The following CDH12 variants were observed in gnomAD, a reference collection of about 807,000 sequenced individuals.
CDH12 encodes the protein cadherin-12.
In CDH12, 41 loss-of-function variants were observed where a neutral mutation model predicts 74.1. The observed-to-expected ratio is 0.55, with a 90% confidence interval of 0.43 to 0.72. CDH12 has a LOEUF of 0.72. CDH12 is among the 30% of genes least tolerant of loss of function. CDH12 has a pLI of 0.00. For missense variants in CDH12, 945 were observed against 977.2 expected, an observed-to-expected ratio of 0.97 and a Z score of 0.44; for synonymous variants, 399 against 355.0, an observed-to-expected ratio of 1.12 and a Z score of -1.39.
intron 1 of CDH12, among the ~76,000 whole-genome samples, chr5:22,654,244 C>G (rs762030331): frequency 9.9e-5 from 14 of 140,720 alleles, no homozygotes; most frequent in Admixed American, 3.0e-4. Flanking sequence ...TTGTTTCTTT[C>G]TTTCTTTCTC....
chr5:21,869,234 C>T (rs914358649), intron 6 of CDH12, among the ~76,000 whole-genome samples: 3 of 152,202 alleles, frequency 2.0e-5, no homozygotes, highest in Non-Finnish European at 4.4e-5. Context: ...CAGAAGATCC[C>T]TTAGGTTTTC....
intron 5 of CDH12, among the ~76,000 whole-genome samples, chr5:21,979,765 ATAC>A (rs1289465166): frequency 6.6e-6 from 1 of 152,046 alleles, no homozygotes; most frequent in African/African-American, 2.4e-5. Context: ...CGTTCAACAA[ATAC>A]TACTACTAAC....
At chr5:22,326,872 T>C (rs1052423175) in intron 3 of CDH12, among the ~76,000 whole-genome samples, 2 of 152,224 alleles carry the variant, frequency 1.3e-5, no homozygotes, top group Non-Finnish European at 1.5e-5. Context: ...ATTCCAGCTA[T>C]ATATATATTG....
chr5:22,063,941 T>C (rs369426772), intron 5 of CDH12, among the ~76,000 whole-genome samples: 5 of 151,788 alleles, frequency 3.3e-5, no homozygotes. Flanking sequence ...GTCAGTTTCT[T>C]AAAATCTCTC....
chr5:21,890,798 A>G (rs1752862494), intron 6 of CDH12, among the ~76,000 whole-genome samples: 1 of 152,136 alleles, frequency 6.6e-6, no homozygotes, highest in South Asian at 2.1e-4. Flanking sequence ...ACACTAAAAA[A>G]GTGAGGATAC....
At chr5:22,601,566 C>T (rs905270332) in intron 1 of CDH12, among the ~76,000 whole-genome samples, 2 of 151,952 alleles carry the variant, frequency 1.3e-5, no homozygotes, top group African/African-American at 4.8e-5. Context: ...GCTTCAGTAA[C>T]CAAAATATTT....
At chr5:22,529,962 G>C (rs1287559815) in intron 1 of CDH12, among the ~76,000 whole-genome samples, 2 of 152,090 alleles carry the variant, frequency 1.3e-5, no homozygotes, top group African/African-American at 4.8e-5. Flanking sequence ...AGTACACTGA[G>C]ATACCTCAAC....
intron 5 of CDH12, among the ~76,000 whole-genome samples, chr5:22,071,983 C>G (rs1445342619): frequency 6.6e-6 from 1 of 152,070 alleles, no homozygotes; most frequent in Non-Finnish European, 1.5e-5. Flanking sequence ...ATCAATGAAT[C>G]TTGAAATTTT....
Position 22,062,199 on chromosome 5 carries a change from T to G in CDH12, c.231+16247A>C, listed in dbSNP as rs79113870. Reference sequence around the variant, plus strand: ...GCCAATTCAATTAAAGTAAACACATTGAACCTTTATGGCACAGCTATTATG... The same window carrying G: ...GCCAATTCAATTAAAGTAAACACATGGAACCTTTATGGCACAGCTATTATG... On this transcript the variant is annotated intron_variant, in intron 5 of 14. Coordinates refer to ENST00000382254, the MANE Select transcript of CDH12 (RefSeq NM_004061.5). Among the ~76,000 whole-genome samples the G allele has an allele frequency of 2.7e-3, 409 of 152,238 alleles. 3 individuals carry two copies. Among genetic ancestry groups the G allele is most frequent in the African/African-American group, 9.3e-3 (385 of 41,554 alleles).
At chr5:22,818,409 A>G (rs982480552) in intron 1 of CDH12, among the ~76,000 whole-genome samples, 1 of 152,034 alleles carries the variant, frequency 6.6e-6, no homozygotes, top group Non-Finnish European at 1.5e-5. Flanking sequence ...ATTCATTCTC[A>G]TCTTCCTCCA....
intron 4 of CDH12, chr5:22,152,438 A>C (rs1173655005): frequency 6.6e-6 from 1 of 152,206 alleles, no homozygotes. Flanking sequence ...TCATCAAACA[A>C]GAAATTCATA....
intron 3 of CDH12, among the ~76,000 whole-genome samples, chr5:22,294,641 C>A (rs1428046807): frequency 6.6e-6 from 1 of 152,032 alleles, no homozygotes; most frequent in African/African-American, 2.4e-5. Context: ...GTTGCTTTAG[C>A]CTCCACAGAG....
chr5:22,762,684 A>T (rs1018839439), intron 1 of CDH12, among the ~76,000 whole-genome samples: 1 of 152,080 alleles, frequency 6.6e-6, no homozygotes, highest in African/African-American at 2.4e-5. Flanking sequence ...TTTTCTGGGA[A>T]GATAAGAGTA....
intron 1 of CDH12, among the ~76,000 whole-genome samples, chr5:22,667,242 A>G (rs1300728029): frequency 6.6e-6 from 1 of 152,016 alleles, no homozygotes; most frequent in East Asian, 1.9e-4. Flanking sequence ...ATAACCACCT[A>G]ATTATTTAGT....
At chr5:22,627,173 A>G (rs1738343093) in intron 1 of CDH12, among the ~76,000 whole-genome samples, 2 of 152,170 alleles carry the variant, frequency 1.3e-5, no homozygotes, top group African/African-American at 2.4e-5. Flanking sequence ...ATTTGAGGAT[A>G]TTACCCACAA....
At chr5:21,993,152 G>C (rs558986290) in intron 5 of CDH12, among the ~76,000 whole-genome samples, 114 of 152,204 alleles carry the variant, frequency 7.5e-4, no homozygotes, top group African/African-American at 2.7e-3. Context: ...GGGGGGTGGA[G>C]GGTGGACATA....
intron 1 of CDH12, among the ~76,000 whole-genome samples, chr5:22,745,029 A>T (rs1289180789): frequency 2.0e-5 from 3 of 151,106 alleles, no homozygotes; most frequent in Non-Finnish European, 4.4e-5. Context: ...TTTATATATT[A>T]TAAATATTAA....
At chr5:21,762,751 G>A (rs1744795064) in intron 12 of CDH12, among the ~76,000 whole-genome samples, 1 of 151,878 alleles carries the variant, frequency 6.6e-6, no homozygotes, top group African/African-American at 2.4e-5. Context: ...TAATTTATTG[G>A]ACAAACATAA....
At chr5:22,315,753 GGA>G (rs1424592001) in intron 3 of CDH12, among the ~76,000 whole-genome samples, 1 of 152,138 alleles carries the variant, frequency 6.6e-6, no homozygotes, top group Non-Finnish European at 1.5e-5. Context: ...AATATATTAT[GGA>G]TGAAGGTTTC....
Sources: gnomAD v4.1 joint callset for allele counts (sites outside exome capture counted in the v4.1 genomes callset) on GRCh38, gnomAD v4.1.1 for gene constraint, MANE v1.5 for transcripts, NCBI Gene and HGNC (gene_info 2026-07-23, HGNC 2026-07-21) for gene names.